The following CACNA1E variants were observed in gnomAD, a reference collection of about 807,000 sequenced individuals.
CACNA1E encodes voltage-dependent R-type calcium channel subunit alpha-1E.
In CACNA1E, 40 loss-of-function variants were observed where a neutral mutation model predicts 259.2. That is an observed-to-expected ratio of 0.15 (90% CI 0.12 to 0.20). The LOEUF is 0.20. Among genes scored for constraint, CACNA1E ranks in the 10% least tolerant of loss-of-function variants. The pLI is 1.00. For synonymous variants in CACNA1E, 1,104 were observed against 1,138.5 expected (o/e 0.97, Z 0.61); for missense variants, 1,874 against 3,040.1 (o/e 0.62, Z 9.02).
chr1:181,721,627 T>A (rs2102485220), intron 15 of CACNA1E, 131 bp from the exon 16 acceptor site: 3 of 501,978 alleles, frequency 6.0e-6, no homozygotes, highest in South Asian at 4.0e-5. Context: ...TTTTTTTTTT[T>A]AACTCCCTGG....
intron 6 of CACNA1E, among the ~76,000 whole-genome samples, chr1:181,628,238 T>C (rs984527367): frequency 6.6e-6 from 1 of 152,206 alleles, no homozygotes; most frequent in Non-Finnish European, 1.5e-5. Flanking sequence ...CTTAGATTCG[T>C]CAGCAAACTC....
chr1:181,492,650 G>A (rs1664414217), intron 1 of CACNA1E, among the ~76,000 whole-genome samples: 1 of 152,204 alleles, frequency 6.6e-6, no homozygotes, highest in Non-Finnish European at 1.5e-5. Flanking sequence ...CTAACTGGGT[G>A]TGTTTGTTTC....
chr1:181,440,482 A>G (rs1199625787), intron 2 of CACNA1E, among the ~76,000 whole-genome samples: 1 of 152,208 alleles, frequency 6.6e-6, no homozygotes, highest in Non-Finnish European at 1.5e-5. Context: ...AATCCACCAA[A>G]GAACAATAGC....
At chr1:181,787,058 G>A (rs1660906704) in intron 43 of CACNA1E, among the ~76,000 whole-genome samples, 1 of 151,970 alleles carries the variant, frequency 6.6e-6, no homozygotes, top group African/African-American at 2.4e-5. Context: ...TAGGAGGGAG[G>A]GAGGGAAAGA....
intron 6 of CACNA1E, among the ~76,000 whole-genome samples, chr1:181,609,683 G>A (rs1654563001): frequency 6.6e-6 from 1 of 152,172 alleles, no homozygotes; most frequent in Non-Finnish European, 1.5e-5. Context: ...ATTTATTCAT[G>A]TCATTAAGCA....
intron 8 of CACNA1E, 143 bp downstream of exon 8, chr1:181,711,212 C>T: frequency 1.6e-6 from 1 of 634,176 alleles, no homozygotes; most frequent in Non-Finnish European, 2.8e-6. Flanking sequence ...TCTTAAGGTT[C>T]CCTGCTCATC....
intron 6 of CACNA1E, among the ~76,000 whole-genome samples, chr1:181,632,062 A>G (rs1472667513): frequency 2.6e-5 from 4 of 152,168 alleles, no homozygotes; most frequent in African/African-American, 7.2e-5. Flanking sequence ...GTGTAGCCCC[A>G]AAGACTTCAG....
intron 3 of CACNA1E, among the ~76,000 whole-genome samples, chr1:181,522,240 C>A (rs1420266324): frequency 6.6e-6 from 1 of 152,118 alleles, no homozygotes; most frequent in Non-Finnish European, 1.5e-5. Context: ...GTACCAAAAC[C>A]CAGTCTACAG....
At chr1:181,731,093 C>T (rs1204934224) in intron 18 of CACNA1E, 82 bp from the exon 19 acceptor site, 14 of 1,106,536 alleles carry the variant, frequency 1.3e-5, no homozygotes, top group Non-Finnish European at 1.9e-5. Context: ...CCCTGTCTCC[C>T]TCTGGAAATC....
chr1:181,429,661 A>T (rs1002694229), intron 2 of CACNA1E, among the ~76,000 whole-genome samples: 1 of 152,142 alleles, frequency 6.6e-6, no homozygotes, highest in African/African-American at 2.4e-5. Context: ...ATTATTACTC[A>T]TGTTTGTTAT....
At chr1:181,762,451 T>G (rs1572831115) in intron 32 of CACNA1E, 123 bp from the exon 33 acceptor site, 1 of 668,174 alleles carries the variant, frequency 1.5e-6, no homozygotes, top group African/African-American at 1.8e-5. Flanking sequence ...AAGAGTGAAC[T>G]TATGCATTAA....
At chr1:181,645,880 C>T (rs1000700367) in intron 6 of CACNA1E, among the ~76,000 whole-genome samples, 7 of 152,210 alleles carry the variant, frequency 4.6e-5, no homozygotes, top group Admixed American at 4.6e-4. Context: ...ACATGGAATC[C>T]AAGTCCCTCG....
At chr1:181,411,898 C>T (rs1189186928) in intron 1 of CACNA1E, among the ~76,000 whole-genome samples, 3 of 152,284 alleles carry the variant, frequency 2.0e-5, no homozygotes, top group African/African-American at 7.2e-5. Context: ...GCGTGAGCCA[C>T]TGCGCCCAGC....
chr1:181,457,778 GA>G (rs1661554574), intron 2 of CACNA1E, among the ~76,000 whole-genome samples: 1 of 152,236 alleles, frequency 6.6e-6, no homozygotes, highest in Admixed American at 6.5e-5. Context: ...CTGAGGCCAG[GA>G]ATAGGAAAAA....
At chr1:181,784,520 C>G (rs373585099) in intron 40 of CACNA1E, 141 bp from the exon 41 acceptor site, 11 of 585,872 alleles carry the variant, frequency 1.9e-5, no homozygotes, top group East Asian at 1.7e-4. Context: ...CCTGGTATTG[C>G]AAGATCCACT....
At chr1:181,454,927 G>T (rs373250914) in intron 2 of CACNA1E, among the ~76,000 whole-genome samples, 2 of 152,196 alleles carry the variant, frequency 1.3e-5, no homozygotes, top group East Asian at 3.8e-4. Context: ...ATGATTAAAT[G>T]TTAAATGAGA....
chr1:181,754,370 A>C (rs1189419894), intron 27 of CACNA1E, among the ~76,000 whole-genome samples: 2 of 152,254 alleles, frequency 1.3e-5, no homozygotes, highest in Non-Finnish European at 2.9e-5. Context: ...TGCTTCACCC[A>C]GTGCTGCAAA....
intron 2 of CACNA1E, among the ~76,000 whole-genome samples, chr1:181,448,073 C>T (rs545714846): frequency 4.6e-5 from 7 of 152,292 alleles, no homozygotes; most frequent in African/African-American, 7.2e-5. Context: ...AGCTGATTAG[C>T]GACCTCAATG....
chr1:181,475,655 T>C (rs142950723), intron 2 of CACNA1E, among the ~76,000 whole-genome samples: 19 of 152,298 alleles, frequency 1.2e-4, no homozygotes, highest in Admixed American at 1.2e-3. Flanking sequence ...TTGCCTTGAA[T>C]TGTCAGGCTA....
Sources: allele counts gnomAD v4.1 joint callset (sites outside exome capture counted in the v4.1 genomes callset), GRCh38; gene constraint gnomAD v4.1.1; transcripts MANE v1.5; gene names NCBI Gene and HGNC (gene_info 2026-07-23, HGNC 2026-07-21).